The following STXBP5L variants were observed in gnomAD, a reference collection of about 807,000 sequenced individuals.
The protein encoded by STXBP5L is syntaxin-binding protein 5-like.
A neutral mutation model predicts 144.5 loss-of-function variants in STXBP5L; 65 were observed. That is an observed-to-expected ratio of 0.45 (90% CI 0.37 to 0.55). STXBP5L has a LOEUF of 0.55. Ranked by LOEUF, STXBP5L falls within the 20% of genes least tolerant of loss-of-function variation. The pLI is 0.00. For missense variants in STXBP5L, 1,298 were observed against 1,405.5 expected (o/e 0.92, Z 1.22); for synonymous variants, 505 against 469.6 (o/e 1.08, Z -0.97).
intron 22 of STXBP5L, among the ~76,000 whole-genome samples, chr3:121,402,092 G>A (rs1172939189): frequency 6.6e-6 from 1 of 152,166 alleles, no homozygotes; most frequent in Non-Finnish European, 1.5e-5. Context: ...CCCACAAATT[G>A]TGTAGCTGAT....
In STXBP5L at chr3:120,999,177, C is replaced by T. The variant is rs149188461; in HGVS notation, c.288-42523C>T. 7.1e-3 allele frequency among the ~76,000 whole-genome samples: 1,087 copies of T among 152,164 alleles called. 18 individuals carry two copies. Among genetic ancestry groups the T allele is most frequent in the African/African-American group, 0.025 (1,028 of 41,530 alleles). ...AAGTGATTCTTGTGGCTCAGCCTCC[C>T]GAGTAGCTGGGACTACAGGCATATG... On this transcript the variant is annotated intron_variant, in intron 3 of 26. Transcript: ENST00000471454.
chr3:121,030,467 G>T (rs1324220183), intron 3 of STXBP5L, among the ~76,000 whole-genome samples: 5 of 152,088 alleles, frequency 3.3e-5, no homozygotes, highest in Admixed American at 2.6e-4. Context: ...CTCAGAAGTG[G>T]GAGTTGAACA....
At chr3:121,083,023 C>G (rs1036975048) in intron 5 of STXBP5L, among the ~76,000 whole-genome samples, 17 of 151,870 alleles carry the variant, frequency 1.1e-4, no homozygotes, top group African/African-American at 3.9e-4. Flanking sequence ...TGGTGAAACC[C>G]CGTGTCTACT....
At chr3:120,909,288 C>A in intron 1 of STXBP5L, 1 of 311,346 alleles carries the variant, frequency 3.2e-6, no homozygotes, top group Non-Finnish European at 5.9e-6. Flanking sequence ...GCTGATAAAG[C>A]GTAGTTACAG....
chr3:121,139,913 A>T (rs951089094), intron 7 of STXBP5L, among the ~76,000 whole-genome samples: 9 of 152,090 alleles, frequency 5.9e-5, no homozygotes, highest in Non-Finnish European at 1.5e-5. Flanking sequence ...ATATTTGTCA[A>T]CTATACATTC....
chr3:121,056,190 G>A (rs571883250), intron 5 of STXBP5L, among the ~76,000 whole-genome samples: 2 of 152,202 alleles, frequency 1.3e-5, no homozygotes, highest in South Asian at 4.1e-4. Context: ...AAGAAAAAAT[G>A]TCTTGATTTT....
At chr3:121,179,776 G>A (rs2047070532) in intron 9 of STXBP5L, among the ~76,000 whole-genome samples, 1 of 152,016 alleles carries the variant, frequency 6.6e-6, no homozygotes, top group Non-Finnish European at 1.5e-5. Flanking sequence ...GACACACTTA[G>A]GGAAATACAA....
At chr3:121,192,867 C>T (rs1290159938) in intron 9 of STXBP5L, among the ~76,000 whole-genome samples, 2 of 152,082 alleles carry the variant, frequency 1.3e-5, no homozygotes, top group Admixed American at 1.3e-4. Flanking sequence ...ACCATAAAAA[C>T]CCTAGAAGAA....
At chr3:121,031,350 A>T (rs994124601) in intron 3 of STXBP5L, among the ~76,000 whole-genome samples, 1 of 151,750 alleles carries the variant, frequency 6.6e-6, no homozygotes, top group African/African-American at 2.4e-5. Context: ...AACCAATAGG[A>T]TGTATATGTA....
chr3:121,206,208 G>T (rs1275607616), intron 10 of STXBP5L, among the ~76,000 whole-genome samples: 1 of 152,026 alleles, frequency 6.6e-6, no homozygotes, highest in Non-Finnish European at 1.5e-5. Context: ...ATTATTTCAG[G>T]ATTCTTAATG....
intron 19 of STXBP5L, among the ~76,000 whole-genome samples, chr3:121,293,176 A>G (rs1192512985): frequency 6.6e-6 from 1 of 152,262 alleles, no homozygotes; most frequent in Non-Finnish European, 1.5e-5. Flanking sequence ...AACATGGATG[A>G]ATCCAAAATA....
intron 3 of STXBP5L, among the ~76,000 whole-genome samples, chr3:120,970,611 A>G (rs1940138366): frequency 6.6e-6 from 1 of 151,950 alleles, no homozygotes; most frequent in African/African-American, 2.4e-5. Context: ...CTGTCTTTTC[A>G]TTTCACTGAT....
At chr3:121,142,926 C>CT (rs1315565014) in intron 7 of STXBP5L, among the ~76,000 whole-genome samples, 2 of 151,676 alleles carry the variant, frequency 1.3e-5, no homozygotes, top group Non-Finnish European at 3.0e-5. Context: ...ATCAACAAAA[C>CT]TGAGAGTTAT....
Position 121,239,133 on chromosome 3 carries a change from T to C in STXBP5L, c.1332+15T>C. 6.9e-7 allele frequency: 1 copy of C among 1,444,096 alleles called. No homozygotes were observed. Among genetic ancestry groups the C allele is most frequent in the Non-Finnish European group, 9.3e-7 (1 of 1,070,080 alleles). The allele number at this position is 1,444,096 out of a possible 1,614,324, so 89.5% of individuals were successfully genotyped here. A position where few individuals can be genotyped will look rare whatever the true frequency, so the allele number is the denominator to read the frequency against. On this transcript the variant is annotated intron_variant, in intron 13 of 26. Transcript: ENST00000471454. ...ACAGTAATAAGGTAAAAGTAGAAAT[T>C]ATAAATAACTTTTTTTGTATTCATA... is the stretch of plus-strand genomic sequence containing the variant.
intron 9 of STXBP5L, among the ~76,000 whole-genome samples, chr3:121,163,356 G>T (rs1252553288): frequency 6.6e-6 from 1 of 151,942 alleles, no homozygotes; most frequent in Admixed American, 6.5e-5. Flanking sequence ...TCACTCATAA[G>T]TGGGGAATTG....
chr3:121,113,664 T>C (rs1277149526), intron 5 of STXBP5L, among the ~76,000 whole-genome samples: 1 of 141,922 alleles, frequency 7.0e-6, no homozygotes, highest in Non-Finnish European at 1.5e-5. Flanking sequence ...TTATTCTTTT[T>C]TCTTTTTCTT....
chr3:121,020,141 G>A (rs1387949136), intron 3 of STXBP5L, among the ~76,000 whole-genome samples: 1 of 151,988 alleles, frequency 6.6e-6, no homozygotes, highest in African/African-American at 2.4e-5. Context: ...CACTGGAAAG[G>A]CTCGGCAATA....
At chr3:121,178,345 C>T (rs2108091975) in intron 9 of STXBP5L, among the ~76,000 whole-genome samples, 1 of 152,184 alleles carries the variant, frequency 6.6e-6, no homozygotes, top group South Asian at 2.1e-4. Context: ...GGTAAGTTGG[C>T]CATGTTTCCG....
At chr3:121,036,580 T>A (rs1329149057) in intron 3 of STXBP5L, among the ~76,000 whole-genome samples, 9 of 152,150 alleles carry the variant, frequency 5.9e-5, no homozygotes, top group African/African-American at 2.2e-4. Context: ...TAGAAAGTAT[T>A]GTTCCTCTTG....
Sources: allele counts gnomAD v4.1 joint callset (sites outside exome capture counted in the v4.1 genomes callset), GRCh38; gene constraint gnomAD v4.1.1; transcripts MANE v1.5; gene names NCBI Gene and HGNC (gene_info 2026-07-23, HGNC 2026-07-21).